Variants in BAIAP2 observed in about 807,000 individuals in gnomAD.
The protein encoded by BAIAP2 is BAR/IMD domain containing adaptor protein 2.
Under a neutral mutation model 63.0 loss-of-function variants are expected in BAIAP2, and 18 were observed. The ratio of observed to expected loss-of-function variants is 0.29; its 90% CI spans 0.20 to 0.42. The LOEUF is 0.42. BAIAP2 is among the 10% of genes least tolerant of loss of function. BAIAP2 has a pLI of 1.00. For synonymous variants in BAIAP2, 386 were observed against 307.6 expected (o/e 1.25, Z -2.67); for missense variants, 610 against 734.3 (o/e 0.83, Z 1.96).
Position 81,115,842 on chromosome 17 carries a change from G to GCCACATCTGCAGTGCTGC in BAIAP2, c.*7_*24dup. 1 of 1,613,238 alleles carries GCCACATCTGCAGTGCTGC rather than the reference G, an allele frequency of 6.2e-7. No homozygotes were observed. The highest frequency in any genetic ancestry group is 8.5e-7 in the Non-Finnish European group (1 of 1,180,006). On this transcript the variant is annotated 3_prime_UTR_variant, in exon 14 of 14. Transcript: ENST00000428708. ...GGTCTGCCCCCCTCCTCAGCTGATGGCCACATCTGCAGTGCTGCCCATCTG... is the reference window on the plus strand; with the variant it reads ...GGTCTGCCCCCCTCCTCAGCTGATGGCCACATCTGCAGTGCTGCCCACATCTGCAGTGCTGCCCATCTG...
intron 6 of BAIAP2, among the ~76,000 whole-genome samples, chr17:81,097,073 C>T (rs1466023653): frequency 6.6e-6 from 1 of 152,218 alleles, no homozygotes. Flanking sequence ...GGTTGCCTTG[C>T]AGGGCCTCTC....
chr17:81,096,405 C>T (rs989828381), intron 6 of BAIAP2, among the ~76,000 whole-genome samples: 13 of 152,188 alleles, frequency 8.5e-5, no homozygotes, highest in African/African-American at 2.7e-4. Context: ...TTCTGGGCAC[C>T]GAATAGCTCC....
chr17:81,036,899 A>AT (rs1334833559), intron 1 of BAIAP2: 29 of 1,535,702 alleles, frequency 1.9e-5, no homozygotes, highest in Non-Finnish European at 2.4e-5. Context: ...CCTTTTTCCT[A>AT]TTTTTTCTCC....
At chr17:81,055,574 G>GTTTTTTGTTTTTTTTTGGTTTT (rs370775327) in intron 2 of BAIAP2, among the ~76,000 whole-genome samples, 2 of 123,406 alleles carry the variant, frequency 1.6e-5, no homozygotes, top group East Asian at 2.7e-4. Flanking sequence ...AGGGTGTTTT[G>GTTTTTTGTTTTTTTTTGGTTTT]TTTTTTTTTG....
At chr17:81,108,191 C>T (rs965410911) in intron 12 of BAIAP2, 16 of 503,194 alleles carry the variant, frequency 3.2e-5, no homozygotes, top group African/African-American at 5.9e-5. Flanking sequence ...CTCAGGCGGC[C>T]AGTCTTGCAT....
intron 6 of BAIAP2, among the ~76,000 whole-genome samples, chr17:81,096,093 G>A (rs1459400698): frequency 6.6e-6 from 1 of 152,136 alleles, no homozygotes; most frequent in Non-Finnish European, 1.5e-5. Context: ...CTGTCCTGGG[G>A]TGACCACTCC....
chr17:81,114,627 C>G (rs1011953200), intron 13 of BAIAP2, among the ~76,000 whole-genome samples: 14 of 152,224 alleles, frequency 9.2e-5, no homozygotes, highest in African/African-American at 3.4e-4. Flanking sequence ...CTTCCACGTA[C>G]TTTATTCTCT....
chr17:81,059,740 C>G (rs192691400), intron 3 of BAIAP2, among the ~76,000 whole-genome samples: 48 of 152,336 alleles, frequency 3.2e-4, no homozygotes, highest in African/African-American at 1.0e-3. Context: ...CGTGAGCCAC[C>G]ACGCCTGGCT....
rs1426778204 is a variant in BAIAP2, at chr17:81,103,909, G to T, written c.867G>T (p.Arg289=). The change falls in exon 9 of 14, where the codon CGG becomes CGT. Residue 289 remains arginine (R), a splice_region_variant and synonymous_variant. Coordinates refer to ENST00000428708, the MANE Select transcript of BAIAP2 (RefSeq NM_001144888.2). The part of the protein sequence containing the change: ...VPPELAPFVG[R]MSAQESTPIM... ...CTGCTCTGCCTGCTTCCCTGCAGCG[G>T]ATGTCTGCCCAGGAGAGCACACCCA... The T allele has an allele frequency of 5.6e-6, 9 of 1,612,912 alleles. No individual in the cohort carries two copies. The highest frequency in any genetic ancestry group is 7.6e-6 in the Non-Finnish European group (9 of 1,179,986).
chr17:81,036,482 C>T (rs999879724), intron 1 of BAIAP2, among the ~76,000 whole-genome samples: 3 of 152,234 alleles, frequency 2.0e-5, no homozygotes, highest in African/African-American at 7.2e-5. Context: ...AGCTCTCAGG[C>T]TTGGGAGAGC....
chr17:81,089,503 G>T (rs769944467), intron 6 of BAIAP2, among the ~76,000 whole-genome samples: 2 of 152,346 alleles, frequency 1.3e-5, no homozygotes, highest in South Asian at 4.1e-4. Flanking sequence ...GGCTGGGCCC[G>T]TCCTGGGGCC....
At chr17:81,036,620 C>T (rs556800299) in intron 1 of BAIAP2, among the ~76,000 whole-genome samples, 15 of 152,296 alleles carry the variant, frequency 9.8e-5, no homozygotes, top group African/African-American at 3.6e-4. Flanking sequence ...TTTCTGAAGG[C>T]GGGTGTGCGG....
intron 3 of BAIAP2, 112 bp from the exon 4 acceptor site, chr17:81,084,720 G>T: frequency 9.7e-7 from 1 of 1,033,386 alleles, no homozygotes; most frequent in South Asian, 1.3e-5. Flanking sequence ...CGGGGGCCCT[G>T]CTGCCTGTGG....
chr17:81,085,636 T>C lies in BAIAP2; in HGVS notation c.280-18T>C. 1 of 1,611,788 alleles carries C rather than the reference T, an allele frequency of 6.2e-7. No homozygotes were observed. Among genetic ancestry groups the C allele is most frequent in the East Asian group, 2.2e-5 (1 of 44,866 alleles). On this transcript the variant is annotated intron_variant, in intron 4 of 13. Coordinates refer to ENST00000428708, the MANE Select transcript of BAIAP2 (RefSeq NM_001144888.2). ...TGTGTTGGAGCTGACGGCTGATGTGTTTTCTCTCCATGTCCAGCTGAAGTC... is the reference window on the plus strand; with the variant it reads ...TGTGTTGGAGCTGACGGCTGATGTGCTTTCTCTCCATGTCCAGCTGAAGTC...
rs2144368691 is a variant in BAIAP2, at chr17:81,059,071, G to A, written c.217+1104G>A. Among the ~76,000 whole-genome samples the A allele has an allele frequency of 1.3e-5, 2 of 152,330 alleles. 1 individual carries two copies. The highest frequency in any genetic ancestry group is 4.8e-5 in the African/African-American group (2 of 41,576). ...AGTTCACTCACGACGTCCTGCGCCGGGAGGCAGACCTGCCGGCCGCACTTC... is the reference window on the plus strand; with the variant it reads ...AGTTCACTCACGACGTCCTGCGCCGAGAGGCAGACCTGCCGGCCGCACTTC... On this transcript the variant is annotated intron_variant, in intron 3 of 13. Transcript: ENST00000428708.
intron 3 of BAIAP2, among the ~76,000 whole-genome samples, chr17:81,080,474 G>C (rs907224511): frequency 1.3e-4 from 20 of 152,250 alleles, no homozygotes; most frequent in African/African-American, 4.6e-4. Context: ...TCGGGCTGGC[G>C]GGGATGCTGG....
intron 3 of BAIAP2, among the ~76,000 whole-genome samples, chr17:81,062,431 G>T (rs889628153): frequency 6.6e-6 from 1 of 151,918 alleles, no homozygotes; most frequent in Non-Finnish European, 1.5e-5. Flanking sequence ...CTCGCGTCTT[G>T]GTTCGCTTCA....
chr17:81,078,065 C>T (rs2053969290), intron 3 of BAIAP2, among the ~76,000 whole-genome samples: 1 of 142,672 alleles, frequency 7.0e-6, no homozygotes, highest in Non-Finnish European at 1.5e-5. Context: ...GGTGCCAGTG[C>T]CATCTTAGAT....
At chr17:81,078,291 G>A (rs1318987487) in intron 3 of BAIAP2, among the ~76,000 whole-genome samples, 4 of 133,090 alleles carry the variant, frequency 3.0e-5, no homozygotes, top group African/African-American at 2.8e-5. Context: ...GTTCCACCTC[G>A]GAGCTGGATG....
Sources: allele counts gnomAD v4.1 joint callset (sites outside exome capture counted in the v4.1 genomes callset), GRCh38; gene constraint gnomAD v4.1.1; transcripts MANE v1.5; gene names NCBI Gene and HGNC (gene_info 2026-07-23, HGNC 2026-07-21).